Variants in EFCAB8 observed in about 807,000 individuals in gnomAD.
EFCAB8 encodes EF-hand calcium binding domain 8, also known as EF-hand calcium-binding domain-containing protein 8.
EFCAB8 carries 100 observed loss-of-function variants against 116.3 expected under a neutral mutation model. The ratio of observed to expected loss-of-function variants is 0.86; its 90% CI spans 0.73 to 1.02. EFCAB8 has a LOEUF of 1.02. Among genes scored for constraint, EFCAB8 ranks in the 50% least tolerant of loss-of-function variants. The pLI, the probability that EFCAB8 is intolerant of heterozygous loss-of-function variation, is 0.00. For missense variants in EFCAB8, 1,320 were observed against 1,416.9 expected (o/e 0.93, Z 1.10); for synonymous variants, 558 against 567.9 (o/e 0.98, Z 0.25).
chr20:32,898,981 G>A (rs934553396), intron 11 of EFCAB8, among the ~76,000 whole-genome samples: 48 of 152,336 alleles, frequency 3.2e-4, no homozygotes, highest in Admixed American at 1.0e-3. Context: ...GGAATCCTCT[G>A]TGGTATGTGT....
intron 3 of EFCAB8, among the ~76,000 whole-genome samples, chr20:32,870,711 A>C (rs1466181173): frequency 6.6e-6 from 1 of 152,110 alleles, no homozygotes; most frequent in East Asian, 1.9e-4. Flanking sequence ...TATGTTGCCC[A>C]GGCTAGTCTC....
At chr20:32,959,633 A>T (rs1188771837) in intron 24 of EFCAB8, 145 bp from the exon 25 acceptor site, 1 of 644,526 alleles carries the variant, frequency 1.6e-6, no homozygotes, top group Admixed American at 3.1e-5. Flanking sequence ...TTACTCAGTG[A>T]TGGACTCTGG....
At chr20:32,921,009 A>C (rs73116352) in intron 20 of EFCAB8, among the ~76,000 whole-genome samples, 23,175 of 152,012 alleles carry the variant, frequency 0.15, 2,272 homozygotes, top group Non-Finnish European at 0.21. Context: ...CCTCACTGTG[A>C]TACTGACTCC....
In EFCAB8 at chr20:32,869,240, T is replaced by A. The variant is rs574183579; in HGVS notation, c.208+1493T>A. On this transcript the variant is annotated intron_variant, in intron 3 of 26. Coordinates refer to ENST00000400522, the MANE Select transcript of EFCAB8 (RefSeq NM_001143967.2). ...AACTCCAGCAAGATGGGTGTTGCAA[T>A]TTTTTTTTTTTTTTGAGACGGAGTT... Among the ~76,000 whole-genome samples the A allele has an allele frequency of 1.9e-3, 274 of 141,714 alleles. 1 individual carries two copies. The highest frequency in any genetic ancestry group is 6.6e-3 in the African/African-American group (252 of 38,078). The allele number at this position is 141,714 out of a possible 152,430, so 93.0% of individuals were successfully genotyped here. A position where few individuals can be genotyped will look rare whatever the true frequency, so the allele number is the denominator to read the frequency against.
At chr20:32,876,119 C>A in intron 4 of EFCAB8, 75 bp downstream of exon 4, 1 of 1,281,036 alleles carries the variant, frequency 7.8e-7, no homozygotes, top group Non-Finnish European at 1.1e-6. Context: ...GTTGGTGGGG[C>A]TGAAGATGGG....
At chr20:32,941,840 G>A (rs1988419236) in intron 22 of EFCAB8, among the ~76,000 whole-genome samples, 1 of 152,046 alleles carries the variant, frequency 6.6e-6, no homozygotes, top group African/African-American at 2.4e-5. Context: ...ACTTTAAATT[G>A]GTAAATTTTT....
At chr20:32,917,530 C>T in intron 18 of EFCAB8, 25 bp downstream of exon 18, 1 of 1,547,872 alleles carries the variant, frequency 6.5e-7, no homozygotes, top group South Asian at 1.2e-5. Flanking sequence ...GCACACTCTC[C>T]TCCCACCCTT....
At chr20:32,908,998 A>T (rs1986803427) in intron 14 of EFCAB8, among the ~76,000 whole-genome samples, 1 of 152,184 alleles carries the variant, frequency 6.6e-6, no homozygotes, top group South Asian at 2.1e-4. Flanking sequence ...GGATGGGGGT[A>T]AGGGGGCCCA....
At chr20:32,861,875 G>T (rs1470905893) in intron 1 of EFCAB8, among the ~76,000 whole-genome samples, 1 of 152,032 alleles carries the variant, frequency 6.6e-6, no homozygotes, top group Non-Finnish European at 1.5e-5. Context: ...TCTTTTTTAT[G>T]CATGTGCCAA....
At chr20:32,918,693 C>T (rs1987316549) in intron 19 of EFCAB8, 119 bp downstream of exon 19, 2 of 962,826 alleles carry the variant, frequency 2.1e-6, no homozygotes, top group Non-Finnish European at 3.1e-6. Context: ...CTTTAGGTCC[C>T]TCAACTCACT....
intron 24 of EFCAB8, among the ~76,000 whole-genome samples, 164 bp from the exon 25 acceptor site, chr20:32,959,614 A>T (rs1239879403): frequency 6.6e-6 from 1 of 152,166 alleles, no homozygotes; most frequent in African/African-American, 2.4e-5. Flanking sequence ...GCAAATGTTA[A>T]TTCCATACTT....
chr20:32,906,782 A>C, intron 12 of EFCAB8, 61 bp from the exon 13 acceptor site: 3 of 845,948 alleles, frequency 3.5e-6, no homozygotes, highest in South Asian at 2.9e-5. Context: ...CACCACCTTC[A>C]CCAGTGGGTG....
At chr20:32,945,507 T>G (rs1251580564) in intron 23 of EFCAB8, among the ~76,000 whole-genome samples, 4 of 152,186 alleles carry the variant, frequency 2.6e-5, no homozygotes, top group Non-Finnish European at 5.9e-5. Flanking sequence ...ATTCTCAGTT[T>G]GTTCATGTAT....
At chr20:32,933,058 A>C (rs1264626812) in intron 22 of EFCAB8, among the ~76,000 whole-genome samples, 1 of 152,134 alleles carries the variant, frequency 6.6e-6, no homozygotes, top group African/African-American at 2.4e-5. Context: ...GTGATAGTAT[A>C]TTATATATGC....
At chr20:32,920,915 G>GGGTGTTTT (rs372307921) in intron 20 of EFCAB8, among the ~76,000 whole-genome samples, 126 of 152,284 alleles carry the variant, frequency 8.3e-4, no homozygotes, top group African/African-American at 3.0e-3. Flanking sequence ...TTAACTGGAA[G>GGGTGTTTT]GGTGTTTTAT....
chr20:32,896,290 G>A (rs747160011), intron 9 of EFCAB8, among the ~76,000 whole-genome samples, 164 bp from the exon 10 acceptor site: 6 of 151,972 alleles, frequency 3.9e-5, no homozygotes, highest in East Asian at 1.9e-4. Flanking sequence ...GGGGCACTCC[G>A]CTCAGCTCAC....
intron 3 of EFCAB8, among the ~76,000 whole-genome samples, chr20:32,872,755 C>T (rs1050183469): frequency 7.9e-5 from 12 of 151,400 alleles, no homozygotes; most frequent in South Asian, 2.1e-4. Flanking sequence ...GATCATGCCA[C>T]CACACTCCAG....
chr20:32,921,392 T>TG (rs57469624), intron 20 of EFCAB8, among the ~76,000 whole-genome samples: 19,053 of 149,576 alleles, frequency 0.13, 2,472 homozygotes, highest in African/African-American at 0.33. Context: ...TGTGTGTGTG[T>TG]TTTTGTAGAG....
chr20:32,886,989 G>A (rs1444091814), intron 6 of EFCAB8, among the ~76,000 whole-genome samples: 2 of 152,138 alleles, frequency 1.3e-5, no homozygotes, highest in Non-Finnish European at 1.5e-5. Flanking sequence ...CAAGCTACTG[G>A]TGTGTGGGGG....
Sources: allele counts gnomAD v4.1 joint callset (sites outside exome capture counted in the v4.1 genomes callset), GRCh38; gene constraint gnomAD v4.1.1; transcripts MANE v1.5; gene names NCBI Gene and HGNC (gene_info 2026-07-23, HGNC 2026-07-21).